The following RORA variants were observed in gnomAD, a reference collection of about 807,000 sequenced individuals.
The protein encoded by RORA is RAR related orphan receptor A, also known as nuclear receptor ROR-alpha.
In RORA, 7 loss-of-function variants were observed where a neutral mutation model predicts 69.5. The ratio of observed to expected loss-of-function variants is 0.10; its 90% CI spans 0.06 to 0.19. The LOEUF is 0.19. Among genes scored for constraint, RORA ranks in the 10% least tolerant of loss-of-function variants. The pLI is 1.00. For synonymous variants in RORA, 261 were observed against 240.8 expected (o/e 1.08, Z -0.78); for missense variants, 457 against 663.0 (o/e 0.69, Z 3.41).
intron 1 of RORA, among the ~76,000 whole-genome samples, chr15:60,884,263 C>A (rs1293839075): frequency 6.6e-6 from 1 of 151,916 alleles, no homozygotes; most frequent in Non-Finnish European, 1.5e-5. Context: ...GAGAGGCTAG[C>A]TTCTGGAACA....
intron 1 of RORA, among the ~76,000 whole-genome samples, chr15:60,962,570 C>T (rs1893444989): frequency 6.6e-6 from 1 of 152,214 alleles, no homozygotes. Flanking sequence ...GGCTGGACTG[C>T]TCCCCGCTCT....
intron 1 of RORA, among the ~76,000 whole-genome samples, chr15:61,040,145 T>TATATATATATATATATATAA: frequency 9.6e-6 from 1 of 103,930 alleles, no homozygotes; most frequent in Non-Finnish European, 2.1e-5. Context: ...TATATATATA[T>TATATATATATATATATATAA]ATATATATAT....
At position 60,635,606 on chromosome 15, in the gene RORA, T is replaced by G. The variant is rs184249983; in HGVS notation, c.196+43051A>C. 3.7e-4 allele frequency among the ~76,000 whole-genome samples: 57 copies of G among 152,254 alleles called. 1 individual carries two copies. Among genetic ancestry groups the G allele is most frequent in the Admixed American group, 3.6e-3 (55 of 15,296 alleles). On this transcript the variant is annotated intron_variant, in intron 2 of 10. Transcript: ENST00000335670. ...ATACTTTCTGCCATCAAAATGGAAC[T>G]CCAAGATGTAAAGGGAAAGAACACT...
At chr15:61,114,673 C>G (rs1376593980) in intron 1 of RORA, among the ~76,000 whole-genome samples, 1 of 152,208 alleles carries the variant, frequency 6.6e-6, no homozygotes, top group African/African-American at 2.4e-5. Context: ...ATGCTGAGTT[C>G]TAACCCACTC....
chr15:60,680,907 A>G (rs1264675683), intron 1 of RORA, among the ~76,000 whole-genome samples: 1 of 152,228 alleles, frequency 6.6e-6, no homozygotes, highest in Non-Finnish European at 1.5e-5. Flanking sequence ...ACACAAGAGC[A>G]ATATTTGTTA....
intron 2 of RORA, among the ~76,000 whole-genome samples, chr15:60,606,538 G>A (rs887215931): frequency 2.0e-5 from 3 of 152,080 alleles, no homozygotes; most frequent in Non-Finnish European, 4.4e-5. Context: ...AGTTTCATTT[G>A]TATGTAGCTT....
At chr15:61,198,594 T>C (rs1291561790) in intron 1 of RORA, among the ~76,000 whole-genome samples, 1 of 149,106 alleles carries the variant, frequency 6.7e-6, no homozygotes, top group Non-Finnish European at 1.5e-5. Flanking sequence ...TACCCAAAAA[T>C]GTTCAATTCT....
intron 1 of RORA, among the ~76,000 whole-genome samples, chr15:60,837,716 G>A (rs1204493031): frequency 2.6e-5 from 4 of 152,102 alleles, no homozygotes; most frequent in Non-Finnish European, 5.9e-5. Context: ...CGGGGACACA[G>A]TCCTTACTGT....
At chr15:61,168,576 T>A (rs1172094819) in intron 1 of RORA, among the ~76,000 whole-genome samples, 1 of 152,082 alleles carries the variant, frequency 6.6e-6, no homozygotes, top group African/African-American at 2.4e-5. Context: ...TATATATTAA[T>A]CTTGATATTT....
At chr15:60,701,451 C>A (rs956057455) in intron 1 of RORA, among the ~76,000 whole-genome samples, 3 of 152,152 alleles carry the variant, frequency 2.0e-5, no homozygotes, top group African/African-American at 7.2e-5. Flanking sequence ...CACAGAGAAA[C>A]TTCTAACTGG....
intron 1 of RORA, among the ~76,000 whole-genome samples, chr15:60,822,027 C>T (rs914913721): frequency 6.6e-6 from 1 of 151,962 alleles, no homozygotes; most frequent in African/African-American, 2.4e-5. Flanking sequence ...AATTTTAGAA[C>T]TAAAAAAAAT....
chr15:60,946,850 C>T (rs1252228904), intron 1 of RORA, among the ~76,000 whole-genome samples: 1 of 151,438 alleles, frequency 6.6e-6, no homozygotes, highest in African/African-American at 2.4e-5. Flanking sequence ...CGCCCATCGT[C>T]TGAGATGTGG....
chr15:60,999,230 T>C (rs17204770), intron 1 of RORA, among the ~76,000 whole-genome samples: 60,639 of 151,950 alleles, frequency 0.4, 13,598 homozygotes, highest in Non-Finnish European at 0.5. Context: ...AACATCCTCA[T>C]CGTTTGATAG....
At chr15:60,516,185 TTATATATATATTTATATATATATTTA>T (rs1214672439) in intron 3 of RORA, among the ~76,000 whole-genome samples, 650 of 19,130 alleles carry the variant, frequency 0.034, 31 homozygotes, top group African/African-American at 0.14. Context: ...ATATATATAT[TTATATATATATTTATATATATATTTA>T]TATATATATA....
intron 1 of RORA, among the ~76,000 whole-genome samples, chr15:61,059,935 C>CAAGAAG (rs71122900): frequency 4.6e-5 from 4 of 86,660 alleles, no homozygotes; most frequent in African/African-American, 1.7e-4. Flanking sequence ...AGAAGAAGAA[C>CAAGAAG]AAGAAGAAGA....
chr15:60,648,503 A>G (rs1254034902), intron 2 of RORA, among the ~76,000 whole-genome samples: 1 of 152,240 alleles, frequency 6.6e-6, no homozygotes, highest in Admixed American at 6.5e-5. Flanking sequence ...AAAGTTTTCC[A>G]CAGAAACACT....
intron 2 of RORA, among the ~76,000 whole-genome samples, chr15:60,630,888 CTT>C (rs542275787): frequency 1.4e-4 from 15 of 109,880 alleles, no homozygotes; most frequent in Middle Eastern, 5.4e-3. Flanking sequence ...ATGAGACTTT[CTT>C]TTTTTTTTTT....
chr15:60,521,298 G>A (rs2066159393), intron 3 of RORA, among the ~76,000 whole-genome samples: 1 of 145,196 alleles, frequency 6.9e-6, no homozygotes, highest in Non-Finnish European at 1.5e-5. Flanking sequence ...CTGGAGTGCA[G>A]TGGCATTACC....
chr15:60,910,318 G>C (rs1047861181), intron 1 of RORA, among the ~76,000 whole-genome samples: 2 of 152,154 alleles, frequency 1.3e-5, no homozygotes, highest in African/African-American at 4.8e-5. Flanking sequence ...TAAAAATGCT[G>C]GCTTCCAGAA....
Sources: gnomAD v4.1 joint callset for allele counts (sites outside exome capture counted in the v4.1 genomes callset) on GRCh38, gnomAD v4.1.1 for gene constraint, MANE v1.5 for transcripts, NCBI Gene and HGNC (gene_info 2026-07-23, HGNC 2026-07-21) for gene names.